Variants in KIF26A observed in about 807,000 individuals in gnomAD.
The protein encoded by KIF26A is kinesin family member 26A.
In KIF26A, 74 loss-of-function variants were observed where a neutral mutation model predicts 126.0. That is an observed-to-expected ratio of 0.59 (90% CI 0.49 to 0.71). The LOEUF is 0.71. KIF26A is among the 30% of genes least tolerant of loss of function. The pLI, the probability that KIF26A is intolerant of heterozygous loss-of-function variation, is 0.00. For missense variants in KIF26A, 2,984 were observed against 2,763.3 expected, an observed-to-expected ratio of 1.08 and a Z score of -1.79; for synonymous variants, 1,445 against 1,232.7, an observed-to-expected ratio of 1.17 and a Z score of -3.61.
intron 2 of KIF26A, among the ~76,000 whole-genome samples, chr14:104,145,836 C>G (rs2037675861): frequency 6.6e-6 from 1 of 152,086 alleles, no homozygotes; most frequent in South Asian, 2.1e-4. Flanking sequence ...GGCTGAAAGG[C>G]CCCTCCTGCT....
chr14:104,169,805 T>C (rs1451360158), intron 5 of KIF26A, among the ~76,000 whole-genome samples: 1 of 152,232 alleles, frequency 6.6e-6, no homozygotes, highest in African/African-American at 2.4e-5. Context: ...AAATGTGTTT[T>C]TTCTCTCCCA....
In KIF26A at chr14:104,166,900, C is replaced by T; in HGVS notation, c.965C>T (p.Pro322Leu). 6.3e-7 allele frequency: 1 copy of T among 1,588,936 alleles called. No homozygotes were observed. Among genetic ancestry groups the T allele is most frequent in the Non-Finnish European group, 8.6e-7 (1 of 1,169,026 alleles). The change falls in exon 5 of 15, where the codon CCC (proline) becomes CTC (leucine). Residue 322 changes from proline (P) to leucine (L), a missense_variant. By Grantham distance (98) the Pro-to-Leu change is moderately conservative. Transcript: ENST00000423312. ...KLSLASKRKK[P>L]HPPPPPATRG... is the part of the protein sequence containing the mutation. ...AGCCTGGCCTCCAAGAGGAAGAAGC[C>T]CCACCCGCCACCGCCTCCAGCCACC... is the stretch of plus-strand genomic sequence containing the variant.
Position 104,173,093 on chromosome 14 carries a change from C to G in KIF26A, c.1537C>G (p.Arg513Gly). 7 of 1,604,866 alleles carry G rather than the reference C, an allele frequency of 4.4e-6. No individual in the cohort carries two copies. Among genetic ancestry groups the G allele is most frequent in the Non-Finnish European group, 5.9e-6 (7 of 1,176,708 alleles). ...GGAGCGCAGGGAGAGGACGGGCACC[C>G]GCTTCTCCGTCCGGGTCTCAGCCGT... The part of the protein sequence containing the change: ...IEERRERTGT[R>G]FSVRVSAVEV... Residue 513 changes from arginine to glycine, a missense_variant, in exon 8 of 15, where the codon CGC becomes GGC. By Grantham distance (125) the Arg-to-Gly change is moderately radical (BLOSUM62 -2). Transcript: ENST00000423312.
chr14:104,154,856 G>A (rs1033113221), intron 3 of KIF26A, among the ~76,000 whole-genome samples: 1 of 152,222 alleles, frequency 6.6e-6, no homozygotes. Flanking sequence ...CCTGAGGAGC[G>A]GGGGTGCCTC....
In KIF26A at chr14:104,151,396, CG is replaced by C. The variant is rs963216159; in HGVS notation, c.289-613del. Reference sequence around the variant, plus strand: ...GTGGGGGAGCTGGTGGAGTGTGCGGCGGGGGGTGGGGCCCTGGGCTGTACCC... The same window carrying C: ...GTGGGGGAGCTGGTGGAGTGTGCGGCGGGGGTGGGGCCCTGGGCTGTACCC... On this transcript the variant is annotated intron_variant, in intron 2 of 14. Coordinates refer to ENST00000423312, the MANE Select transcript of KIF26A (RefSeq NM_015656.2). This position sits in a 1 kb window ranked among gnomAD's most constrained non-coding sequence, Gnocchi z 4.9. Among the ~76,000 whole-genome samples, 1 of 136,692 alleles carries C rather than the reference CG, an allele frequency of 7.3e-6. No homozygotes were observed. The highest frequency in any genetic ancestry group is 1.6e-5 in the Non-Finnish European group (1 of 63,774). 89.7% of individuals were successfully genotyped at this position (136,692 alleles called of 152,430 possible). A position where few individuals can be genotyped will look rare whatever the true frequency, so the allele number is the denominator to read the frequency against.
At chr14:104,138,993 C>T (rs1252207629) in intron 1 of KIF26A, 50 bp from the exon 2 acceptor site, 2 of 1,323,108 alleles carry the variant, frequency 1.5e-6, no homozygotes, top group Non-Finnish European at 9.6e-7. Flanking sequence ...GGGTCTGGAT[C>T]CGACGGACGT....
At chr14:104,173,278 T>C (rs775279376) in intron 8 of KIF26A, 39 bp downstream of exon 8, 5 of 1,601,392 alleles carry the variant, frequency 3.1e-6, no homozygotes, top group Non-Finnish European at 3.4e-6. Context: ...GGAGGGGGGC[T>C]GCACTTGGCC....
chr14:104,176,716 G>T lies in KIF26A; in HGVS notation c.3928G>T (p.Ala1310Ser). ...VARIPPLRRG[A>S]TTLGVTTPAV... ...TCGGATCCCACCGCTGCGGAGGGGTGCCACCACGCTGGGTGTGACAACGCC... is the reference window on the plus strand; with the variant it reads ...TCGGATCCCACCGCTGCGGAGGGGTTCCACCACGCTGGGTGTGACAACGCC... Residue 1310 changes from alanine (A) to serine (S), a missense_variant, in exon 12 of 15, where the codon GCC (alanine) becomes TCC (serine). By Grantham distance (99) the Ala-to-Ser change is moderately conservative. Coordinates refer to ENST00000423312, the MANE Select transcript of KIF26A (RefSeq NM_015656.2). 1 of 1,585,044 alleles carries T rather than the reference G, an allele frequency of 6.3e-7. No homozygotes were observed. Among genetic ancestry groups the T allele is most frequent in the Non-Finnish European group, 8.6e-7 (1 of 1,166,528 alleles).
chr14:104,178,001 G>GGCACAGCCTTCAAGGTCCCAGACCC, intron 12 of KIF26A, 103 bp downstream of exon 12: 1 of 1,265,890 alleles, frequency 7.9e-7, no homozygotes, highest in East Asian at 2.8e-5. Flanking sequence ...TGGACAGATG[G>GGCACAGCCTTCAAGGTCCCAGACCC]GCACAGCCTT....
chr14:104,156,772 C>T (rs1337513093), intron 3 of KIF26A, among the ~76,000 whole-genome samples: 4 of 152,190 alleles, frequency 2.6e-5, no homozygotes, highest in Non-Finnish European at 5.9e-5. Flanking sequence ...CCACTTGGGA[C>T]ACCCTGAGGA....
chr14:104,144,161 T>C (rs1438474949), intron 2 of KIF26A, among the ~76,000 whole-genome samples: 1 of 152,196 alleles, frequency 6.6e-6, no homozygotes, highest in Non-Finnish European at 1.5e-5. Flanking sequence ...TGTGCTCGTC[T>C]TGTCTCTCTT....
intron 4 of KIF26A, among the ~76,000 whole-genome samples, chr14:104,165,847 G>GTGTGTGTT (rs2037892948): frequency 2.8e-5 from 4 of 142,726 alleles, no homozygotes; most frequent in Admixed American, 7.0e-5. Flanking sequence ...TTCTGTGTGT[G>GTGTGTGTT]TCTGTGTGTG....
chr14:104,180,706 G>T lies in KIF26A; in HGVS notation c.*916G>T, dbSNP rs1361321760. The T allele has an allele frequency of 6.5e-6, 1 of 154,038 alleles. No individual in the cohort carries two copies. The highest frequency in any genetic ancestry group is 1.5e-5 in the Non-Finnish European group (1 of 68,178). The allele number at this position is 154,038 out of a possible 1,614,324, so 9.5% of individuals were successfully genotyped here. ...GGGGGCACCCTGGGCAGGGTGGGGG[G>T]GCCTTGGGAGGCGCTTCTTGCCAAA... On this transcript the variant is annotated 3_prime_UTR_variant, in exon 15 of 15. Coordinates refer to ENST00000423312, the MANE Select transcript of KIF26A (RefSeq NM_015656.2).
chr14:104,179,912 A>G lies in KIF26A; in HGVS notation c.*122A>G. ...CGGAGGGGTTTCTGTGCAGGACGGG[A>G]GTCTCAGAGAGGAGACGGAGTGTGG... On this transcript the variant is annotated 3_prime_UTR_variant, in exon 15 of 15. Transcript: ENST00000423312. 9.8e-7 allele frequency: 1 copy of G among 1,020,436 alleles called. No homozygotes were observed. Among genetic ancestry groups the G allele is most frequent in the Admixed American group, 3.1e-5 (1 of 32,378 alleles). The allele number at this position is 1,020,436 out of a possible 1,614,324, so 63.2% of individuals were successfully genotyped here.
intron 4 of KIF26A, among the ~76,000 whole-genome samples, chr14:104,165,511 CTCTG>C (rs1251929700): frequency 1.1e-5 from 1 of 91,316 alleles, no homozygotes; most frequent in African/African-American, 5.5e-5. Context: ...GTCTGTGTGT[CTCTG>C]TATGCATGTG....
At chr14:104,165,051 C>G (rs1409448204) in intron 4 of KIF26A, among the ~76,000 whole-genome samples, 1 of 150,290 alleles carries the variant, frequency 6.7e-6, no homozygotes, top group African/African-American at 2.5e-5. Context: ...GTATGTGTGT[C>G]TGTGTGTCTC....
intron 1 of KIF26A, 86 bp from the exon 2 acceptor site, chr14:104,138,957 G>C: frequency 7.7e-7 from 1 of 1,303,522 alleles, no homozygotes; most frequent in African/African-American, 1.5e-5. Context: ...TTTGGCAAGA[G>C]CGTCACGCTG....
intron 2 of KIF26A, among the ~76,000 whole-genome samples, chr14:104,149,372 G>T (rs1156250752): frequency 6.6e-6 from 1 of 152,180 alleles, no homozygotes; most frequent in Non-Finnish European, 1.5e-5. Context: ...CAGGATGCTG[G>T]CTGGCACCTG....
At position 104,177,810 on chromosome 14, in the gene KIF26A, C is replaced by T. The variant is rs11621644; in HGVS notation, c.5022C>T (p.Ser1674=). Reference sequence around the variant, plus strand: ...ACAGCGAGGCCACCGGCAGCGCCTCCTCCGCCCCTGACTCCATGAGCGAGA... The same window carrying T: ...ACAGCGAGGCCACCGGCAGCGCCTCTTCCGCCCCTGACTCCATGAGCGAGA... The part of the protein sequence containing the change: ...RRDSEATGSA[S]SAPDSMSESG... Residue 1674 remains serine (S), a synonymous_variant, in exon 12 of 15, where the codon TCC becomes TCT. Transcript: ENST00000423312. 553,027 of 1,562,494 alleles carry T rather than the reference C, an allele frequency of 0.35. 100,653 individuals are homozygous for T. Among genetic ancestry groups the T allele is most frequent in the East Asian group, 0.48 (20,341 of 42,792 alleles).
Sources: allele counts gnomAD v4.1 joint callset (sites outside exome capture counted in the v4.1 genomes callset), GRCh38; gene constraint gnomAD v4.1.1; non-coding constraint Gnocchi (gnomAD v3.1); transcripts MANE v1.5; gene names NCBI Gene and HGNC (gene_info 2026-07-23, HGNC 2026-07-21).